Variants in RIMKLB observed in about 807,000 individuals in gnomAD.
RIMKLB encodes ribosomal modification protein rimK like family member B.
In RIMKLB, 7 loss-of-function variants were observed where a neutral mutation model predicts 32.0. That is an observed-to-expected ratio of 0.22 (90% CI 0.12 to 0.41). RIMKLB has a LOEUF of 0.41. Among genes scored for constraint, RIMKLB ranks in the 10% least tolerant of loss-of-function variants. The pLI, the probability that RIMKLB is intolerant of heterozygous loss-of-function variation, is 1.00. For synonymous variants in RIMKLB, 172 were observed against 185.1 expected, an observed-to-expected ratio of 0.93 and a Z score of 0.57; for missense variants, 289 against 498.7, an observed-to-expected ratio of 0.58 and a Z score of 4.00.
chr12:8,707,615 G>A (rs1273955440), intron 1 of RIMKLB, among the ~76,000 whole-genome samples: 1 of 152,176 alleles, frequency 6.6e-6, no homozygotes, highest in African/African-American at 2.4e-5. Context: ...GTCTCCAGAG[G>A]TTAGGGGATG....
intron 1 of RIMKLB, among the ~76,000 whole-genome samples, chr12:8,708,144 TTG>T (rs1338501066): frequency 1.3e-5 from 2 of 152,218 alleles, no homozygotes; most frequent in African/African-American, 4.8e-5. Context: ...ACAGATTCTA[TTG>T]TGTGTTAGAG....
chr12:8,778,650 A>T (rs1405907790), downstream of RIMKLB, among the ~76,000 whole-genome samples: 2 of 152,166 alleles, frequency 1.3e-5, no homozygotes, highest in East Asian at 3.8e-4. Flanking sequence ...CTCCGTCTTT[A>T]CCCCAGTCTA....
upstream of RIMKLB, among the ~76,000 whole-genome samples, chr12:8,692,334 CTG>C (rs1417673880): frequency 2.0e-5 from 3 of 152,166 alleles, no homozygotes; most frequent in Non-Finnish European, 4.4e-5. Flanking sequence ...CTCTAAGACA[CTG>C]TGCTCAAACT....
In RIMKLB at chr12:8,759,584, T is replaced by C. The variant is rs555266395; in HGVS notation, c.697+5491T>C. Among the ~76,000 whole-genome samples, 24 of 152,318 alleles carry C rather than the reference T, an allele frequency of 1.6e-4. 1 individual carries two copies. The highest frequency in any genetic ancestry group is 3.2e-4 in the Non-Finnish European group (22 of 68,016). On this transcript the variant is annotated intron_variant, in intron 5 of 5. Coordinates refer to ENST00000535829, the MANE Select transcript of RIMKLB (RefSeq NM_001297776.2). ...CATTTGTATTTACTTGTGTATGTAT[T>C]GCTCTTCATTATATTTGCTTAGTTT...
At position 8,723,804 on chromosome 12, in the gene RIMKLB, C is replaced by CTTTTTTTTTTTTTTTTTT. The variant is rs35269536; in HGVS notation, c.175+9770_175+9787dup. ...ATTCTCATAGGCTTTCTTCAGTTCC[C>CTTTTTTTTTTTTTTTTTT]TTTTTTTTTTTTTTTTTTTTTTTTG... On this transcript the variant is annotated intron_variant, in intron 2 of 5. Coordinates refer to ENST00000535829, the MANE Select transcript of RIMKLB (RefSeq NM_001297776.2). Among the ~76,000 whole-genome samples the CTTTTTTTTTTTTTTTTTT allele has an allele frequency of 6.6e-5, 5 of 75,520 alleles. 2 individuals are homozygous for CTTTTTTTTTTTTTTTTTT. The highest frequency in any genetic ancestry group is 2.6e-4 in the African/African-American group (5 of 18,884). The allele number at this position is 75,520 out of a possible 152,430, so 49.5% of individuals were successfully genotyped here.
chr12:8,719,968 T>G (rs1460644597), intron 2 of RIMKLB, among the ~76,000 whole-genome samples: 9 of 152,154 alleles, frequency 5.9e-5, no homozygotes, highest in Admixed American at 4.6e-4. Context: ...TAGAGATAGA[T>G]CATGAGCTGT....
intron 1 of RIMKLB, among the ~76,000 whole-genome samples, chr12:8,703,560 C>T (rs1943595850): frequency 6.6e-6 from 1 of 152,042 alleles, no homozygotes; most frequent in Non-Finnish European, 1.5e-5. Context: ...GTCTTGAACT[C>T]CTGTCCTCCT....
At chr12:8,679,613 C>T (rs1164735941), upstream of RIMKLB, 4 of 152,578 alleles carry the variant, frequency 2.6e-5, no homozygotes, top group African/African-American at 9.6e-5. Flanking sequence ...ACTCAAGCAG[C>T]TTTTTGGACA....
chr12:8,757,992 C>T (rs377144576), intron 5 of RIMKLB, among the ~76,000 whole-genome samples: 45 of 150,034 alleles, frequency 3.0e-4, no homozygotes, highest in Admixed American at 6.0e-4. Context: ...AATGGGGTCT[C>T]GCTATATTGC....
chr12:8,690,647 A>G (rs952799042), intron 1 of RIMKLB, among the ~76,000 whole-genome samples: 1 of 152,218 alleles, frequency 6.6e-6, no homozygotes, highest in African/African-American at 2.4e-5. Flanking sequence ...ACTCCAGGCC[A>G]GGTGCAGTGG....
At chr12:8,712,413 A>AAAAT (rs1312302352) in intron 1 of RIMKLB, among the ~76,000 whole-genome samples, 3 of 152,168 alleles carry the variant, frequency 2.0e-5, no homozygotes, top group African/African-American at 4.8e-5. Flanking sequence ...ACTCTATCTC[A>AAAAT]AAATAAATAA....
At position 8,738,111 on chromosome 12, in the gene RIMKLB, G is replaced by T. The variant is rs759678892; in HGVS notation, c.176-11751G>T. On this transcript the variant is annotated intron_variant, in intron 2 of 5. Transcript: ENST00000535829. ...CATTTTGCTTAAATTGTCAGGGTTA[G>T]GGACAGTGGGAGCCTCGACCTACCT... Among the ~76,000 whole-genome samples, 4 of 152,288 alleles carry T rather than the reference G, an allele frequency of 2.6e-5. No homozygotes were observed. The East Asian group carries it at 7.7e-4, about 29-fold the overall frequency.
At chr12:8,688,277 A>G (rs1350856722) in intron 1 of RIMKLB, among the ~76,000 whole-genome samples, 3 of 152,204 alleles carry the variant, frequency 2.0e-5, no homozygotes, top group African/African-American at 7.2e-5. Context: ...CACTGTTCTG[A>G]TTCCAGCTCT....
intron 2 of RIMKLB, among the ~76,000 whole-genome samples, chr12:8,716,725 C>CTTTTTTTTTTTTTTT (rs71451981): frequency 1.1e-5 from 1 of 95,158 alleles, no homozygotes. Context: ...TCTTTTCCTT[C>CTTTTTTTTTTTTTTT]TTTTTTTTTT....
intron 2 of RIMKLB, among the ~76,000 whole-genome samples, chr12:8,736,997 G>C (rs1409185510): frequency 6.6e-6 from 1 of 151,832 alleles, no homozygotes; most frequent in Non-Finnish European, 1.5e-5. Flanking sequence ...ATTTTTAGTA[G>C]AGACGGGGTT....
At chr12:8,706,248 C>G (rs1024718680) in intron 1 of RIMKLB, among the ~76,000 whole-genome samples, 2 of 149,702 alleles carry the variant, frequency 1.3e-5, no homozygotes, top group Non-Finnish European at 3.0e-5. Context: ...CAAGTGACTC[C>G]TCTTCCTCAG....
At chr12:8,719,351 A>C (rs1174751396) in intron 2 of RIMKLB, among the ~76,000 whole-genome samples, 1 of 152,134 alleles carries the variant, frequency 6.6e-6, no homozygotes, top group African/African-American at 2.4e-5. Flanking sequence ...TTATAAATTA[A>C]GCTGGGTTTT....
At chr12:8,770,569 T>C (rs1246864690) in intron 5 of RIMKLB, among the ~76,000 whole-genome samples, 3 of 152,230 alleles carry the variant, frequency 2.0e-5, no homozygotes, top group Admixed American at 2.0e-4. Context: ...AGTATGTTAG[T>C]ATCATTTCTT....
chr12:8,686,636 C>A lies in RIMKLB; in HGVS notation n.219+4818C>A, dbSNP rs867984486. On this transcript the variant is annotated intron_variant and non_coding_transcript_variant, in intron 1 of 1. Transcript: ENST00000538758. Reference sequence around the variant, plus strand: ...CTGGGACTACAGGCGCCCGCCACCACGCCCGGCTAATTTTTTTTTGTATTT... The same window carrying A: ...CTGGGACTACAGGCGCCCGCCACCAAGCCCGGCTAATTTTTTTTTGTATTT... 1.4e-3 allele frequency among the ~76,000 whole-genome samples: 215 copies of A among 151,210 alleles called. 3 individuals are homozygous for A. In the Middle Eastern group the frequency reaches 0.031, roughly 22 times the overall value.
Sources: gnomAD v4.1 joint callset for allele counts (sites outside exome capture counted in the v4.1 genomes callset) on GRCh38, gnomAD v4.1.1 for gene constraint, MANE v1.5 for transcripts, NCBI Gene and HGNC (gene_info 2026-07-23, HGNC 2026-07-21) for gene names.